The following DNAH6 variants were observed in gnomAD, a reference collection of about 807,000 sequenced individuals.
DNAH6 encodes the protein dynein axonemal heavy chain 6.
In DNAH6, 340 loss-of-function variants were observed where a neutral mutation model predicts 491.4. The observed-to-expected ratio is 0.69, with a 90% confidence interval of 0.63 to 0.76. DNAH6 has a LOEUF of 0.76. DNAH6 is among the 30% of genes least tolerant of loss of function. The pLI, the probability that DNAH6 is intolerant of heterozygous loss-of-function variation, is 0.00. For missense variants in DNAH6, 4,443 were observed against 4,972.2 expected (o/e 0.89, Z 3.20); for synonymous variants, 1,603 against 1,686.1 (o/e 0.95, Z 1.21).
chr2:84,745,020 A>G (rs1672833619), intron 62 of DNAH6, 60 bp from the exon 63 acceptor site: 1 of 1,135,812 alleles, frequency 8.8e-7, no homozygotes, highest in Non-Finnish European at 1.2e-6. Flanking sequence ...ACCAAACATT[A>G]TTTAATTTCA....
chr2:84,608,698 A>G (rs1327440278), intron 21 of DNAH6, among the ~76,000 whole-genome samples: 1 of 118,052 alleles, frequency 8.5e-6, no homozygotes, highest in Non-Finnish European at 1.9e-5. Context: ...ATTTGGCATA[A>G]TTCTTAAGGG....
rs560205012 is a variant in DNAH6, at chr2:84,621,495, A to G, written c.4015A>G (p.Thr1339Ala). The change falls in exon 26 of 77, where the codon ACA (threonine) becomes GCA (alanine). Residue 1339 changes from threonine to alanine, a missense_variant. Thr to Ala is a moderately conservative substitution (Grantham distance 58). Transcript: ENST00000389394. ...CCGTGATTTGACTGAATGTCTGGAA[A>G]CAGAACACAGTAATCATATACAGGC... is the stretch of plus-strand genomic sequence containing the variant. ...WCRDLTECLE[T>A]EHSNHIQALK... is the part of the protein sequence containing the mutation. The G allele has an allele frequency of 9.8e-6, 15 of 1,537,870 alleles. No individual in the cohort carries two copies. The East Asian group carries it at 3.2e-4, about 33-fold the overall frequency.
At chr2:84,739,511 A>G (rs1672313420) in intron 62 of DNAH6, among the ~76,000 whole-genome samples, 1 of 152,246 alleles carries the variant, frequency 6.6e-6, no homozygotes, top group African/African-American at 2.4e-5. Context: ...GTCACTTTAC[A>G]TAATCCCATA....
At chr2:84,729,241 A>C (rs1275717219) in intron 61 of DNAH6, among the ~76,000 whole-genome samples, 1 of 152,216 alleles carries the variant, frequency 6.6e-6, no homozygotes, top group Admixed American at 6.5e-5. Flanking sequence ...CTTCTTAGGT[A>C]AGTTCCTAAT....
At position 84,552,966 on chromosome 2, in the gene DNAH6, A is replaced by G. The variant is rs1199979057; in HGVS notation, c.1534A>G (p.Met512Val). 6.2e-7 allele frequency: 1 copy of G among 1,612,290 alleles called. No individual in the cohort carries two copies. The highest frequency in any genetic ancestry group is 8.5e-7 in the Non-Finnish European group (1 of 1,179,350). ...AGAAGAAGATGAATCTCTCATCCCC[A>G]TGTTTCTCACAGAACTAATGTTGAC... ...KQEEDESLIP[M>V]FLTELMLTVQ... Residue 512 changes from methionine (M) to valine (V), a missense_variant, in exon 10 of 77, where the codon ATG (methionine) becomes GTG (valine). Coordinates refer to ENST00000389394, the MANE Select transcript of DNAH6 (RefSeq NM_001370.2).
the DNAH6 span, among the ~76,000 whole-genome samples, chr2:84,501,153 G>T: frequency 7.9e-5 from 12 of 152,250 alleles, no homozygotes; most frequent in Admixed American, 5.9e-4. Context: ...TATGACACTA[G>T]CTATGGGTCT....
intron 29 of DNAH6, among the ~76,000 whole-genome samples, chr2:84,625,621 A>G (rs1022556432): frequency 1.3e-5 from 2 of 152,214 alleles, no homozygotes; most frequent in African/African-American, 2.4e-5. Flanking sequence ...TTATATATTT[A>G]TTTGTTAAAA....
intron 46 of DNAH6, among the ~76,000 whole-genome samples, chr2:84,695,634 T>C (rs1695311369): frequency 6.6e-6 from 1 of 152,086 alleles, no homozygotes; most frequent in Non-Finnish European, 1.5e-5. Flanking sequence ...GTAAAAACTG[T>C]AAAATTATAT....
intron 2 of DNAH6, among the ~76,000 whole-genome samples, chr2:84,524,415 G>C (rs910725596): frequency 1.3e-5 from 2 of 151,712 alleles, no homozygotes; most frequent in Non-Finnish European, 2.9e-5. Context: ...TTGCCAAACA[G>C]GTTATTTAGC....
intron 42 of DNAH6, among the ~76,000 whole-genome samples, chr2:84,684,442 A>G (rs1235751305): frequency 1.3e-5 from 2 of 152,220 alleles, no homozygotes; most frequent in Non-Finnish European, 2.9e-5. Context: ...TTGTTTCTGC[A>G]TTTCATCAAA....
At chr2:84,670,568 A>G in intron 39 of DNAH6, 93 bp downstream of exon 39, 1 of 926,430 alleles carries the variant, frequency 1.1e-6, no homozygotes, top group Non-Finnish European at 1.6e-6. Flanking sequence ...ACAGTTGGAT[A>G]TTTTATTTGC....
chr2:84,704,498 T>C (rs1696245785), intron 51 of DNAH6, among the ~76,000 whole-genome samples, 196 bp downstream of exon 51: 1 of 152,256 alleles, frequency 6.6e-6, no homozygotes, highest in Non-Finnish European at 1.5e-5. Context: ...TGTTTTTCTC[T>C]GCAAGATATA....
chr2:84,783,226 A>G (rs1472920889), intron 65 of DNAH6, among the ~76,000 whole-genome samples: 1 of 152,204 alleles, frequency 6.6e-6, no homozygotes, highest in African/African-American at 2.4e-5. Context: ...TGTGCATGTC[A>G]TATCTTTTTT....
intron 12 of DNAH6, among the ~76,000 whole-genome samples, chr2:84,574,528 T>C (rs903969888): frequency 2.0e-5 from 3 of 152,172 alleles, no homozygotes; most frequent in Non-Finnish European, 4.4e-5. Flanking sequence ...GATTGTTATG[T>C]CCCTTAAATT....
chr2:84,599,605 A>C (rs1179728064), intron 18 of DNAH6, among the ~76,000 whole-genome samples: 1 of 152,166 alleles, frequency 6.6e-6, no homozygotes, highest in African/African-American at 2.4e-5. Flanking sequence ...CATTATTTGG[A>C]AATGACTATC....
chr2:84,500,377 T>C, the DNAH6 span, among the ~76,000 whole-genome samples: 1 of 152,296 alleles, frequency 6.6e-6, no homozygotes, highest in East Asian at 1.9e-4. Context: ...TCTATTCTGT[T>C]CCATCGTCTA....
At chr2:84,666,387 A>G (rs1692127733) in intron 37 of DNAH6, among the ~76,000 whole-genome samples, 1 of 152,186 alleles carries the variant, frequency 6.6e-6, no homozygotes, top group Admixed American at 6.5e-5. Context: ...AGAAGCTGAT[A>G]AGCAACTTCA....
At chr2:84,696,649 AAAAC>A (rs1245686404) in intron 46 of DNAH6, among the ~76,000 whole-genome samples, 1 of 152,088 alleles carries the variant, frequency 6.6e-6, no homozygotes, top group Non-Finnish European at 1.5e-5. Context: ...TTCATTAAGA[AAAAC>A]AAAAAGTTTC....
chr2:84,563,642 G>A (rs2104633881), intron 11 of DNAH6, among the ~76,000 whole-genome samples: 2 of 152,214 alleles, frequency 1.3e-5, no homozygotes, highest in Middle Eastern at 3.4e-3. Flanking sequence ...CTCCCATTAT[G>A]TAGGTTGTGT....
Sources: allele counts gnomAD v4.1 joint callset (sites outside exome capture counted in the v4.1 genomes callset), GRCh38; gene constraint gnomAD v4.1.1; transcripts MANE v1.5; gene names NCBI Gene and HGNC (gene_info 2026-07-23, HGNC 2026-07-21).